Variants in NCOR2 observed in about 807,000 individuals in gnomAD.
NCOR2 encodes CTG repeat protein 26.
NCOR2 carries 81 observed loss-of-function variants against 262.9 expected under a neutral mutation model. That is an observed-to-expected ratio of 0.31 (90% confidence interval 0.26 to 0.37). NCOR2 has a LOEUF of 0.37. Ranked by LOEUF, NCOR2 falls within the 10% of genes least tolerant of loss-of-function variation. NCOR2 has a pLI of 1.00. For missense variants in NCOR2, 3,385 were observed against 3,621.4 expected (o/e 0.93, Z 1.68); for synonymous variants, 1,659 against 1,559.3 (o/e 1.06, Z -1.51).
At chr12:124,326,483 A>G in intron 45 of NCOR2, 113 bp from the exon 48 acceptor site, 1 of 1,076,330 alleles carries the variant, frequency 9.3e-7, no homozygotes, top group Non-Finnish European at 1.2e-6. Flanking sequence ...CCAAAGAGGG[A>G]GGGAGAGCAG....
chr12:124,519,089 T>TACACACACACAGACACACACACAC (rs58285194), intron 1 of NCOR2, among the ~76,000 whole-genome samples: 2 of 97,268 alleles, frequency 2.1e-5, no homozygotes, highest in Non-Finnish European at 4.4e-5. Context: ...GGCCAAATAA[T>TACACACACACAGACACACACACAC]ACACACACAC....
At chr12:124,423,045 C>T (rs1308216852) in intron 11 of NCOR2, among the ~76,000 whole-genome samples, 2 of 152,142 alleles carry the variant, frequency 1.3e-5, no homozygotes, top group African/African-American at 2.4e-5. Flanking sequence ...TCTGAGTGCC[C>T]GTGGGGCAGC....
intron 22 of NCOR2, among the ~76,000 whole-genome samples, chr12:124,359,341 A>AG (rs1278176841): frequency 3.9e-5 from 6 of 152,346 alleles, no homozygotes; most frequent in Non-Finnish European, 2.9e-5. Context: ...AGGGCCCATC[A>AG]GGGTGTGACA....
chr12:124,558,959 G>A (rs1387186678), intron 1 of NCOR2, among the ~76,000 whole-genome samples: 3 of 152,132 alleles, frequency 2.0e-5, no homozygotes, highest in African/African-American at 7.2e-5. Flanking sequence ...CCACTCATCA[G>A]CCCTAAAATG....
At chr12:124,555,729 T>C (rs1428815479) in intron 1 of NCOR2, among the ~76,000 whole-genome samples, 4 of 152,060 alleles carry the variant, frequency 2.6e-5, no homozygotes, top group Admixed American at 6.6e-5. Context: ...CCCCCAGAAC[T>C]TGGTTCCTTG....
At chr12:124,366,161 C>T (rs891582515) in intron 20 of NCOR2, among the ~76,000 whole-genome samples, 34 of 152,236 alleles carry the variant, frequency 2.2e-4, no homozygotes, top group Middle Eastern at 6.8e-3. Context: ...CACCGCCCAG[C>T]GCACAACAGC....
intron 32 of NCOR2, 32 bp downstream of exon 34, chr12:124,344,565 A>G: frequency 7.0e-7 from 1 of 1,419,390 alleles, no homozygotes; most frequent in Non-Finnish European, 9.3e-7. Flanking sequence ...ACAGGCGCCC[A>G]CCCCACTCAC....
intron 37 of NCOR2, among the ~76,000 whole-genome samples, chr12:124,339,419 A>G (rs988696579): frequency 8.7e-6 from 1 of 115,588 alleles, no homozygotes; most frequent in Non-Finnish European, 1.8e-5. Flanking sequence ...ACCCACCCAC[A>G]CAGCTAACTT....
rs1566004953 is a variant in NCOR2, at chr12:124,503,613, C to CGGATGGATGGACGGACGGACGGACGGAT, written c.-117-8246_-117-8245insATCCGTCCGTCCGTCCGTCCATCCATCC. On this transcript the variant is annotated intron_variant, in intron 1 of 46. Coordinates refer to the NCOR2 transcript ENST00000404621. The surrounding 1 kb of genome is among the most constrained non-coding windows in gnomAD (Gnocchi z 4.3). ...ACGGATGGATGGATGGACGGACGGA[C>CGGATGGATGGACGGACGGACGGACGGAT]GGATGGATGGATGGATGGATGGGCG... Among the ~76,000 whole-genome samples, 3 of 139,104 alleles carry CGGATGGATGGACGGACGGACGGACGGAT rather than the reference C, an allele frequency of 2.2e-5. No homozygotes were observed. Among genetic ancestry groups the CGGATGGATGGACGGACGGACGGACGGAT allele is most frequent in the African/African-American group, 8.3e-5 (3 of 36,130 alleles). 91.3% of individuals were successfully genotyped at this position (139,104 alleles called of 152,430 possible).
In NCOR2 at chr12:124,340,403, C is replaced by T. The variant is rs747685237; in HGVS notation, c.5379G>A (p.Ser1793=). The T allele has an allele frequency of 3.2e-5, 51 of 1,612,868 alleles. 2 individuals are homozygous for T. In the Middle Eastern group the frequency reaches 3.0e-3, roughly 94 times the overall value. The change falls in exon 36 of 47, where the codon TCG becomes TCA. Residue 1793 remains serine (S), a synonymous_variant. Transcript: ENST00000405201. ...GATCCCGGTCTCGCTCCCGCTCGGA[C>T]GAGGACGTGGTGGTTGGTTTTGTCA...
intron 4 of NCOR2, among the ~76,000 whole-genome samples, chr12:124,469,291 A>T (rs544268242): frequency 6.6e-6 from 1 of 152,258 alleles, no homozygotes; most frequent in East Asian, 1.9e-4. Context: ...AGAAGAAGTG[A>T]ACACAGGAAA....
Position 124,483,688 on chromosome 12 carries a change from G to A in NCOR2, c.319C>T (p.Arg107Cys), listed in dbSNP as rs986750179. ...TCAGGCAGCAGCTCTAGCCGAGGGC[G>A]CTTGCTTTCAATGAACTCCATCTCT... The change falls in exon 3 of 47, where the codon CGC becomes TGC. Residue 107 changes from arginine (R) to cysteine (C), a missense_variant. This residue lies in a region of NCOR2 where 237 missense variants were observed against 229.4 expected (regional missense o/e 1.03). Coordinates refer to ENST00000405201, the Ensembl canonical transcript of NCOR2. This position sits in a 1 kb window ranked among gnomAD's most constrained non-coding sequence, Gnocchi z 6.3. The A allele has an allele frequency of 6.2e-6, 10 of 1,611,698 alleles. No individual in the cohort carries two copies. Among genetic ancestry groups the A allele is most frequent in the Middle Eastern group, 1.7e-4 (1 of 6,054 alleles).
At position 124,348,573 on chromosome 12, in the gene NCOR2, C is replaced by T. The variant is rs2037141766; in HGVS notation, c.3845-259G>A. 15 of 516,648 alleles carry T rather than the reference C, an allele frequency of 2.9e-5. No individual in the cohort carries two copies. In the South Asian group the frequency reaches 4.4e-4, roughly 15 times the overall value. 32.0% of individuals were successfully genotyped at this position (516,648 alleles called of 1,614,324 possible). ...ACGCTGCCTGCACCCTGTACCCTAG[C>T]CCTCCAGGGTGCTCTGTCTGCAAGC... On this transcript the variant is annotated intron_variant, in intron 28 of 46. Transcript: ENST00000405201.
At position 124,422,876 on chromosome 12, in the gene NCOR2, C is replaced by A. The variant is rs575817731; in HGVS notation, c.1329-321G>T. Reference sequence around the variant, plus strand: ...GCAGCTCTTTGGTGGGGTTCCCCCCCCTTTAAAATCCACTTTTGTTTCTCT... The same window carrying A: ...GCAGCTCTTTGGTGGGGTTCCCCCCACTTTAAAATCCACTTTTGTTTCTCT... On this transcript the variant is annotated intron_variant, in intron 11 of 46. Transcript: ENST00000405201. Among the ~76,000 whole-genome samples, 17 of 152,356 alleles carry A rather than the reference C, an allele frequency of 1.1e-4. No homozygotes were observed. In the South Asian group the frequency reaches 2.1e-3, roughly 19 times the overall value.
intron 31 of NCOR2, among the ~76,000 whole-genome samples, 153 bp downstream of exon 33, chr12:124,346,411 C>T (rs527997305): frequency 2.0e-5 from 3 of 152,350 alleles, no homozygotes; most frequent in African/African-American, 7.2e-5. Flanking sequence ...GGAACACGCA[C>T]AGCTGAGGCC....
rs2035747293 is a variant in NCOR2, at chr12:124,334,932, T to C, written c.6411+203A>G. On this transcript the variant is annotated intron_variant, in intron 40 of 46. Coordinates refer to ENST00000405201, the Ensembl canonical transcript of NCOR2. ...CGGCTCGCATCACAGGCTCCTCCCA[T>C]GGATTAGGGGGCGGTGATGGTGCCG... The C allele has an allele frequency of 1.2e-5, 9 of 726,730 alleles. No individual in the cohort carries two copies. The Admixed American group carries it at 2.2e-4, about 18-fold the overall frequency. The allele number at this position is 726,730 out of a possible 1,614,324, so 45.0% of individuals were successfully genotyped here. A position where few individuals can be genotyped will look rare whatever the true frequency, so the allele number is the denominator to read the frequency against.
At chr12:124,383,864 G>A (rs12370377) in intron 17 of NCOR2, among the ~76,000 whole-genome samples, 32,031 of 152,156 alleles carry the variant, frequency 0.21, 3,873 homozygotes, top group African/African-American at 0.31. Flanking sequence ...ATGGTTCACC[G>A]TGCTGGGGTC....
chr12:124,510,859 A>T (rs890092105), intron 1 of NCOR2, among the ~76,000 whole-genome samples: 26 of 152,212 alleles, frequency 1.7e-4, no homozygotes, highest in African/African-American at 4.8e-4. Flanking sequence ...GAGGAGACGA[A>T]AGGCCACATC....
In NCOR2 at chr12:124,509,239, G is replaced by GGC. The variant is rs1555234127; in HGVS notation, c.-117-13872_-117-13871insGC. Among the ~76,000 whole-genome samples the GGC allele has an allele frequency of 4.0e-4, 37 of 91,578 alleles. 4 individuals are homozygous for GGC. Among genetic ancestry groups the GGC allele is most frequent in the East Asian group, 2.0e-3 (4 of 2,042 alleles). The allele number at this position is 91,578 out of a possible 152,430, so 60.1% of individuals were successfully genotyped here. A position where few individuals can be genotyped will look rare whatever the true frequency, so the allele number is the denominator to read the frequency against. On this transcript the variant is annotated intron_variant, in intron 1 of 46. Coordinates refer to the NCOR2 transcript ENST00000404621. The stretch of plus-strand genomic sequence containing the variant: ...CCAAAGTGGCACTGGCTTTGGTGGG[G>GGC]GGGGGGGGGGCTTAACTCTGAACTC...
Sources: gnomAD v4.1 joint callset for allele counts (sites outside exome capture counted in the v4.1 genomes callset) on GRCh38, gnomAD v4.1.1 for gene constraint, gnomAD v4.1.1 regional missense constraint, Gnocchi (gnomAD v3.1) non-coding constraint, MANE v1.5 for transcripts, NCBI Gene and HGNC (gene_info 2026-07-23, HGNC 2026-07-21) for gene names.